The following DAPK2 variants were observed in gnomAD, a reference collection of about 807,000 sequenced individuals.
DAPK2 encodes the protein death-associated protein kinase 2.
In DAPK2, 35 loss-of-function variants were observed where a neutral mutation model predicts 44.1. That is an observed-to-expected ratio of 0.79 (90% CI 0.61 to 1.05). The LOEUF (loss-of-function observed/expected upper bound fraction) is 1.05, where lower values mean the gene tolerates loss of function less well. DAPK2 is among the 50% of genes least tolerant of loss of function. DAPK2 has a pLI of 0.00. For missense variants in DAPK2, 453 were observed against 483.2 expected, an observed-to-expected ratio of 0.94 and a Z score of 0.59; for synonymous variants, 174 against 182.6, an observed-to-expected ratio of 0.95 and a Z score of 0.38.
At chr15:63,961,725 G>A (rs1015659750) in intron 3 of DAPK2, among the ~76,000 whole-genome samples, 7 of 152,162 alleles carry the variant, frequency 4.6e-5, no homozygotes, top group African/African-American at 1.2e-4. Context: ...TTAGTCTGAC[G>A]GGCTTCCCTT....
Position 63,967,267 on chromosome 15 carries a change from G to A in DAPK2, c.453+4156C>T, listed in dbSNP as rs1333699112. On this transcript the variant is annotated intron_variant, in intron 3 of 10. Coordinates refer to ENST00000261891, the Ensembl canonical transcript of DAPK2. Reference sequence around the variant, plus strand: ...CCTGGTTTTTGGTTCTTACAAAGGTGCTTTTTTTGTGTATGGATAGTTGTT... The same window carrying A: ...CCTGGTTTTTGGTTCTTACAAAGGTACTTTTTTTGTGTATGGATAGTTGTT... 2.0e-5 allele frequency among the ~76,000 whole-genome samples: 3 copies of A among 152,188 alleles called. No homozygotes were observed. The East Asian group carries it at 5.8e-4, about 29-fold the overall frequency.
At chr15:63,957,154 C>G (rs2077746970) in intron 3 of DAPK2, among the ~76,000 whole-genome samples, 3 of 152,114 alleles carry the variant, frequency 2.0e-5, no homozygotes, top group Admixed American at 1.3e-4. Flanking sequence ...CTTAACTGAC[C>G]CTTTTATCAT....
chr15:64,008,685 T>C (rs1427357596), intron 1 of DAPK2, among the ~76,000 whole-genome samples: 1 of 152,266 alleles, frequency 6.6e-6, no homozygotes, highest in Admixed American at 6.5e-5. Flanking sequence ...ATGATATGTA[T>C]GGTTTGATTC....
intron 3 of DAPK2, among the ~76,000 whole-genome samples, chr15:63,965,984 G>A (rs766404661): frequency 1.3e-5 from 2 of 152,220 alleles, no homozygotes; most frequent in African/African-American, 2.4e-5. Flanking sequence ...GCAGGACAAA[G>A]TCCCCTTTAT....
chr15:64,032,842 T>C (rs555839992), intron 1 of DAPK2, among the ~76,000 whole-genome samples: 2 of 152,126 alleles, frequency 1.3e-5, no homozygotes, highest in African/African-American at 4.8e-5. Flanking sequence ...TCCCAGCATT[T>C]TGGAAGGCTG....
chr15:63,944,921 CACA>C, intron 3 of DAPK2, among the ~76,000 whole-genome samples: 1 of 152,224 alleles, frequency 6.6e-6, no homozygotes, highest in Middle Eastern at 3.2e-3. Context: ...ACTACCACTC[CACA>C]ACGACATCTC....
chr15:63,964,384 C>CT, intron 3 of DAPK2, among the ~76,000 whole-genome samples: 2 of 152,140 alleles, frequency 1.3e-5, no homozygotes, highest in East Asian at 3.9e-4. Context: ...TTACTCTTGA[C>CT]TTTTGGGAGT....
chr15:63,977,355 C>T (rs1346485026), intron 2 of DAPK2, among the ~76,000 whole-genome samples: 1 of 152,126 alleles, frequency 6.6e-6, no homozygotes, highest in African/African-American at 2.4e-5. Context: ...AGCTGGAGCA[C>T]CCTCCCAGCT....
chr15:63,922,801 A>G lies in DAPK2; in HGVS notation c.858+2015T>C, dbSNP rs532404032. 2.0e-6 allele frequency: 3 copies of G among 1,535,762 alleles called. No homozygotes were observed. In the Admixed American group the frequency reaches 5.9e-5, roughly 30 times the overall value. ...TGCTGAGCAGCTCTGACAGGGATTCACTGGTGTCCTGGTAGAATGTGGAGC... is the reference window on the plus strand; with the variant it reads ...TGCTGAGCAGCTCTGACAGGGATTCGCTGGTGTCCTGGTAGAATGTGGAGC... On this transcript the variant is annotated intron_variant, in intron 8 of 10. Coordinates refer to ENST00000261891, the Ensembl canonical transcript of DAPK2.
At chr15:64,017,533 G>C (rs367983502) in intron 1 of DAPK2, among the ~76,000 whole-genome samples, 1 of 152,206 alleles carries the variant, frequency 6.6e-6, no homozygotes, top group Non-Finnish European at 1.5e-5. Context: ...ACACGGGCAG[G>C]TCCACACCTT....
chr15:63,982,359 T>C (rs2078542895), intron 2 of DAPK2, among the ~76,000 whole-genome samples: 1 of 151,860 alleles, frequency 6.6e-6, no homozygotes, highest in Admixed American at 6.6e-5. Flanking sequence ...CCCGGCTAAT[T>C]TTTGTATTTT....
intron 1 of DAPK2, among the ~76,000 whole-genome samples, chr15:64,014,382 G>A (rs956643030): frequency 3.9e-5 from 6 of 152,208 alleles, no homozygotes; most frequent in African/African-American, 7.2e-5. Flanking sequence ...GATAGTATCC[G>A]ATAGTCCAAC....
intron 1 of DAPK2, among the ~76,000 whole-genome samples, chr15:63,993,302 G>T (rs968059612): frequency 6.6e-6 from 1 of 152,164 alleles, no homozygotes; most frequent in African/African-American, 2.4e-5. Context: ...GGCACACATG[G>T]GGCAAAGTGG....
chr15:63,914,359 AAG>A (rs1240693439), intron 8 of DAPK2, among the ~76,000 whole-genome samples: 2 of 152,258 alleles, frequency 1.3e-5, no homozygotes, highest in East Asian at 3.9e-4. Context: ...TACAGAAGGA[AAG>A]AGAGGAGGGG....
Position 63,966,773 on chromosome 15 carries a change from TC to T in DAPK2, c.453+4649del, listed in dbSNP as rs1364010042. Among the ~76,000 whole-genome samples the T allele has an allele frequency of 6.6e-6, 1 of 152,194 alleles. No homozygotes were observed. The highest frequency in any genetic ancestry group is 1.5e-5 in the Non-Finnish European group (1 of 68,032). Reference sequence around the variant, plus strand: ...CTCTCCCTCCCCCAAGTGCACAGGTTCTTTCTCCATGCAACATGGCTGCTGC... The same window carrying T: ...CTCTCCCTCCCCCAAGTGCACAGGTTTTTCTCCATGCAACATGGCTGCTGC... On this transcript the variant is annotated intron_variant, in intron 3 of 10. Coordinates refer to ENST00000261891, the Ensembl canonical transcript of DAPK2. The surrounding 1 kb of genome is among the most constrained non-coding windows in gnomAD (Gnocchi z 5.5).
At chr15:63,927,507 T>C (rs1361568257) in intron 6 of DAPK2, among the ~76,000 whole-genome samples, 1 of 152,150 alleles carries the variant, frequency 6.6e-6, no homozygotes, top group Non-Finnish European at 1.5e-5. Flanking sequence ...TGGCTCCCCA[T>C]CTGTGTCTCA....
At chr15:64,029,251 C>A (rs1212442801) in intron 1 of DAPK2, among the ~76,000 whole-genome samples, 6 of 152,038 alleles carry the variant, frequency 3.9e-5, no homozygotes, top group African/African-American at 7.3e-5. Context: ...GTGTGCAATG[C>A]GGCCACTTTG....
chr15:63,959,521 C>A (rs1438105619), intron 3 of DAPK2, among the ~76,000 whole-genome samples: 1 of 152,108 alleles, frequency 6.6e-6, no homozygotes, highest in Non-Finnish European at 1.5e-5. Flanking sequence ...TATTTTGAGA[C>A]ACGTCCCATC....
intron 5 of DAPK2, 122 bp from the exon 7 acceptor site, chr15:63,929,699 C>T (rs754851391): frequency 1.5e-5 from 17 of 1,145,200 alleles, no homozygotes; most frequent in African/African-American, 6.0e-5. Context: ...CCCTGGATGC[C>T]GTCTCATGCT....
Sources: gnomAD v4.1 joint callset for allele counts (sites outside exome capture counted in the v4.1 genomes callset) on GRCh38, gnomAD v4.1.1 for gene constraint, Gnocchi (gnomAD v3.1) non-coding constraint, MANE v1.5 for transcripts, NCBI Gene and HGNC (gene_info 2026-07-23, HGNC 2026-07-21) for gene names.